The following STAB2 variants were observed in gnomAD, a reference collection of about 807,000 sequenced individuals.
The protein encoded by STAB2 is stabilin-2.
Under a neutral mutation model 338.1 loss-of-function variants are expected in STAB2, and 288 were observed. The observed-to-expected ratio is 0.85, with a 90% CI of 0.77 to 0.94. STAB2 has a LOEUF of 0.94. Among genes scored for constraint, STAB2 ranks in the 40% least tolerant of loss-of-function variants. The pLI is 0.00. For missense variants in STAB2, 3,141 were observed against 3,210.1 expected, an observed-to-expected ratio of 0.98 and a Z score of 0.52; for synonymous variants, 1,202 against 1,193.3, an observed-to-expected ratio of 1.01 and a Z score of -0.15.
chr12:103,665,208 A>G (rs1223329952), intron 18 of STAB2, among the ~76,000 whole-genome samples: 1 of 152,196 alleles, frequency 6.6e-6, no homozygotes, highest in African/African-American at 2.4e-5. Flanking sequence ...CATTCTCTGG[A>G]AAGTATTTAG....
intron 5 of STAB2, among the ~76,000 whole-genome samples, chr12:103,628,676 A>G (rs1565971115): frequency 6.6e-6 from 1 of 152,106 alleles, no homozygotes; most frequent in African/African-American, 2.4e-5. Flanking sequence ...CTCTTCACCT[A>G]ATGTCTGTGG....
At chr12:103,640,571 A>C (rs969057001) in intron 9 of STAB2, among the ~76,000 whole-genome samples, 1 of 152,240 alleles carries the variant, frequency 6.6e-6, no homozygotes, top group African/African-American at 2.4e-5. Flanking sequence ...TGTTGAGATT[A>C]CAGGGTTATG....
chr12:103,654,973 T>C, intron 13 of STAB2: 2 of 546,846 alleles, frequency 3.7e-6, no homozygotes, highest in Non-Finnish European at 6.3e-6. Context: ...TGACCAATCA[T>C]CATGAAAATA....
chr12:103,632,657 C>A (rs918829122), intron 6 of STAB2, among the ~76,000 whole-genome samples: 2 of 152,130 alleles, frequency 1.3e-5, no homozygotes, highest in African/African-American at 2.4e-5. Context: ...CTGGGTGCAC[C>A]GCTGGGGCAG....
In STAB2 at chr12:103,666,316, T is replaced by C. The variant is rs1565995940; in HGVS notation, c.2048T>C (p.Val683Ala). 1 of 1,614,140 alleles carries C rather than the reference T, an allele frequency of 6.2e-7. No individual in the cohort carries two copies. Among genetic ancestry groups the C allele is most frequent in the Admixed American group, 1.7e-5 (1 of 60,028 alleles). ...KLGTCVSCSLVYWSRCPANSE... is the reference protein window; with the variant it reads ...KLGTCVSCSLAYWSRCPANSE... Reference sequence around the variant, plus strand: ...GGCACTTGTGTGAGCTGTTCTCTGGTGTACTGGAGCAGATGTCCTGCTAAC... The same window carrying C: ...GGCACTTGTGTGAGCTGTTCTCTGGCGTACTGGAGCAGATGTCCTGCTAAC... Residue 683 changes from valine to alanine, a missense_variant, in exon 19 of 69, where the codon GTG (valine) becomes GCG (alanine). Coordinates refer to ENST00000388887, the MANE Select transcript of STAB2 (RefSeq NM_017564.10).
intron 18 of STAB2, among the ~76,000 whole-genome samples, chr12:103,663,586 G>T (rs1023661941): frequency 6.6e-6 from 1 of 152,014 alleles, no homozygotes; most frequent in Non-Finnish European, 1.5e-5. Flanking sequence ...GGACTTAAGC[G>T]ATCCTCTCAT....
In STAB2 at chr12:103,726,109, T is replaced by A; in HGVS notation, c.4804-7T>A. 5.6e-6 allele frequency: 9 copies of A among 1,613,964 alleles called. No homozygotes were observed. Among genetic ancestry groups the A allele is most frequent in the Non-Finnish European group, 6.8e-6 (8 of 1,179,832 alleles). ...AGGCATTAAGTGAAACTACTCTTTG[T>A]TTGCAGGAGCTTCCCAAGAACCCGA... On this transcript the variant is annotated splice_region_variant and splice_polypyrimidine_tract_variant and intron_variant, in intron 45 of 68. Transcript: ENST00000388887.
chr12:103,743,036 T>TG (rs1291839878), intron 56 of STAB2, among the ~76,000 whole-genome samples: 1 of 151,248 alleles, frequency 6.6e-6, no homozygotes, highest in Non-Finnish European at 1.5e-5. Flanking sequence ...TTTTTTTTTT[T>TG]TTTGAGACAG....
At chr12:103,703,898 A>G (rs556334110) in intron 35 of STAB2, among the ~76,000 whole-genome samples, 1 of 152,224 alleles carries the variant, frequency 6.6e-6, no homozygotes, top group Non-Finnish European at 1.5e-5. Context: ...AGTAGGTACT[A>G]TTACTATCCC....
At chr12:103,726,307 G>T (rs921547425) in intron 46 of STAB2, 144 bp downstream of exon 46, 75 of 723,294 alleles carry the variant, frequency 1.0e-4, no homozygotes, top group Middle Eastern at 4.0e-4. Flanking sequence ...TGGGGAACAT[G>T]GCAAAACCCC....
chr12:103,689,780 C>A, intron 28 of STAB2, 66 bp from the exon 29 acceptor site: 1 of 1,566,582 alleles, frequency 6.4e-7, no homozygotes, highest in Non-Finnish European at 8.7e-7. Flanking sequence ...CTCTTCCAAG[C>A]ATTTAAGGCA....
At chr12:103,740,820 G>A (rs1882526386) in intron 55 of STAB2, 64 bp downstream of exon 55, 2 of 1,491,050 alleles carry the variant, frequency 1.3e-6, no homozygotes, top group Non-Finnish European at 8.9e-7. Context: ...TCGTTGTCCA[G>A]TCTTTGAATG....
intron 8 of STAB2, 78 bp downstream of exon 8, chr12:103,638,290 T>C (rs1220611048): frequency 6.2e-6 from 9 of 1,462,912 alleles, no homozygotes; most frequent in African/African-American, 5.6e-5. Context: ...ATTTGTCTTC[T>C]ATGCCATCCC....
intron 33 of STAB2, among the ~76,000 whole-genome samples, chr12:103,697,878 T>A (rs1370498727): frequency 6.6e-6 from 1 of 151,994 alleles, no homozygotes; most frequent in African/African-American, 2.4e-5. Flanking sequence ...TGAGAAGGGG[T>A]CACTATTCAG....
chr12:103,750,928 T>C (rs560783768), intron 60 of STAB2, among the ~76,000 whole-genome samples: 224 of 152,240 alleles, frequency 1.5e-3, no homozygotes, highest in African/African-American at 5.1e-3. Context: ...CCATCTCTAC[T>C]AAAAATACAA....
rs756879329 is a variant in STAB2 at position 103,759,242 on chromosome 12, T to C, written c.7217T>C (p.Leu2406Pro). The C allele has an allele frequency of 5.0e-6, 8 of 1,614,050 alleles. No individual in the cohort carries two copies. The South Asian group carries it at 7.7e-5, about 16-fold the overall frequency. ...TLQTRLGSKLLITASQDPLQP... is the reference protein window; with the variant it reads ...TLQTRLGSKLPITASQDPLQP... ...CAAACGAGGCTGGGAAGCAAGCTGC[T>C]CATCACTGCCAGCCAGGACCCACTC... The change falls in exon 65 of 69, where the codon CTC becomes CCC. Residue 2406 changes from leucine (L) to proline (P), a missense_variant. Leu to Pro is a moderately conservative substitution (Grantham distance 98). Transcript: ENST00000388887.
At chr12:103,698,606 G>A (rs1352676817) in intron 33 of STAB2, among the ~76,000 whole-genome samples, 3 of 152,092 alleles carry the variant, frequency 2.0e-5, no homozygotes, top group African/African-American at 7.2e-5. Context: ...GTCCCACGCA[G>A]CAACAACCCT....
chr12:103,747,243 T>A (rs1275836008), intron 58 of STAB2, among the ~76,000 whole-genome samples: 3 of 152,194 alleles, frequency 2.0e-5, no homozygotes, highest in Non-Finnish European at 4.4e-5. Flanking sequence ...TGAGAACCAC[T>A]GTGAACACTG....
intron 1 of STAB2, among the ~76,000 whole-genome samples, chr12:103,587,769 G>C (rs1316792879): frequency 6.6e-6 from 1 of 152,176 alleles, no homozygotes; most frequent in South Asian, 2.1e-4. Flanking sequence ...GAAGCGCCCC[G>C]CTGCTGTTGG....
Sources: gnomAD v4.1 joint callset for allele counts (sites outside exome capture counted in the v4.1 genomes callset) on GRCh38, gnomAD v4.1.1 for gene constraint, MANE v1.5 for transcripts, NCBI Gene and HGNC (gene_info 2026-07-23, HGNC 2026-07-21) for gene names.